POU6F2: variants seen among roughly 807,000 people sequenced by gnomAD.
The protein encoded by POU6F2 is POU class 6 homeobox 2, also known as POU domain, class 6, transcription factor 2.
A neutral mutation model predicts 71.3 loss-of-function variants in POU6F2; 31 were observed. The ratio of observed to expected loss-of-function variants is 0.43; its 90% confidence interval spans 0.33 to 0.59. The LOEUF (loss-of-function observed/expected upper bound fraction) is 0.59. POU6F2 is among the 20% of genes least tolerant of loss of function. The pLI is 0.04. For missense variants in POU6F2, 783 were observed against 856.8 expected (o/e 0.91, Z 1.07); for synonymous variants, 347 against 355.7 (o/e 0.98, Z 0.27).
At chr7:38,978,466 T>A (rs994438601) in intron 1 of POU6F2, among the ~76,000 whole-genome samples, 28 of 152,222 alleles carry the variant, frequency 1.8e-4, no homozygotes, top group African/African-American at 6.3e-4. Flanking sequence ...TTATTTTGAC[T>A]GTGCTCTCTC....
intron 7 of POU6F2, among the ~76,000 whole-genome samples, chr7:39,435,806 AGG>A (rs1788226771): frequency 6.6e-6 from 1 of 152,154 alleles, no homozygotes; most frequent in Non-Finnish European, 1.5e-5. Context: ...TTTTTATATA[AGG>A]TGTAAGGAAG....
At chr7:39,323,050 T>A (rs1311353773) in intron 4 of POU6F2, among the ~76,000 whole-genome samples, 1 of 151,832 alleles carries the variant, frequency 6.6e-6, no homozygotes, top group Non-Finnish European at 1.5e-5. Context: ...CAATTATAAT[T>A]CCTAATTATT....
intron 2 of POU6F2, among the ~76,000 whole-genome samples, chr7:39,142,222 G>A (rs1792517696): frequency 6.6e-6 from 1 of 152,208 alleles, no homozygotes; most frequent in Non-Finnish European, 1.5e-5. Flanking sequence ...GGTACATGCT[G>A]AAGCATGGAG....
At chr7:39,258,776 G>T (rs1160787350) in intron 4 of POU6F2, among the ~76,000 whole-genome samples, 1 of 152,042 alleles carries the variant, frequency 6.6e-6, no homozygotes, top group African/African-American at 2.4e-5. Context: ...AGTGGTCCAG[G>T]TGGGCAGAAA....
At chr7:39,286,546 C>A (rs1037718075) in intron 4 of POU6F2, among the ~76,000 whole-genome samples, 2 of 152,184 alleles carry the variant, frequency 1.3e-5, no homozygotes, top group Admixed American at 6.5e-5. Context: ...ATACAGTTTT[C>A]TGGCCTCTCC....
At chr7:39,459,343 G>A (rs1354231677) in intron 8 of POU6F2, among the ~76,000 whole-genome samples, 5 of 152,142 alleles carry the variant, frequency 3.3e-5, no homozygotes, top group Admixed American at 6.5e-5. Context: ...TCCCTCCCCA[G>A]TAATGAGAAA....
intron 1 of POU6F2, among the ~76,000 whole-genome samples, chr7:39,062,374 C>T (rs1323142817): frequency 6.6e-6 from 1 of 151,802 alleles, no homozygotes; most frequent in Non-Finnish European, 1.5e-5. Flanking sequence ...AAATATGATA[C>T]TCATGGGGTA....
intron 2 of POU6F2, among the ~76,000 whole-genome samples, chr7:39,087,466 A>G (rs927403695): frequency 6.6e-6 from 1 of 152,116 alleles, no homozygotes; most frequent in African/African-American, 2.4e-5. Flanking sequence ...AAACCTGCAC[A>G]TTAGAGTTTT....
At chr7:39,244,673 A>G (rs1783790945) in intron 4 of POU6F2, among the ~76,000 whole-genome samples, 1 of 152,176 alleles carries the variant, frequency 6.6e-6, no homozygotes, top group Admixed American at 6.6e-5. Flanking sequence ...TAATGTTAAT[A>G]TAGAAAAATC....
At chr7:39,252,399 G>GACAGACAGACACAC (rs1554335522) in intron 4 of POU6F2, among the ~76,000 whole-genome samples, 5 of 144,162 alleles carry the variant, frequency 3.5e-5, no homozygotes, top group African/African-American at 1.3e-4. Context: ...CAGACAGACA[G>GACAGACAGACACAC]ACACACACAC....
intron 7 of POU6F2, among the ~76,000 whole-genome samples, chr7:39,439,430 G>A (rs564462796): frequency 4.6e-5 from 7 of 152,300 alleles, no homozygotes; most frequent in African/African-American, 1.7e-4. Flanking sequence ...TTTCACACTA[G>A]TTGATGCAGT....
chr7:39,396,252 A>G (rs1182919016), intron 5 of POU6F2, among the ~76,000 whole-genome samples: 1 of 152,194 alleles, frequency 6.6e-6, no homozygotes, highest in East Asian at 1.9e-4. Context: ...GGTTAAGTTA[A>G]AAGCTAGTTT....
chr7:39,222,879 T>C (rs2128748723), intron 4 of POU6F2, among the ~76,000 whole-genome samples: 1 of 152,336 alleles, frequency 6.6e-6, no homozygotes, highest in South Asian at 2.1e-4. Flanking sequence ...TCTATTTGTA[T>C]CAGCTTTCAA....
chr7:39,112,266 A>G (rs568473845), intron 2 of POU6F2, among the ~76,000 whole-genome samples: 1 of 151,198 alleles, frequency 6.6e-6, no homozygotes, highest in East Asian at 1.9e-4. Flanking sequence ...CAGGTAACTT[A>G]AAAGTACTAC....
At chr7:39,345,874 T>C (rs1786024509) in intron 5 of POU6F2, among the ~76,000 whole-genome samples, 1 of 152,236 alleles carries the variant, frequency 6.6e-6, no homozygotes, top group Non-Finnish European at 1.5e-5. Context: ...AAGCAAATGT[T>C]GATTAGCCTA....
intron 2 of POU6F2, among the ~76,000 whole-genome samples, chr7:39,105,081 C>T (rs1791651362): frequency 6.6e-6 from 1 of 152,222 alleles, no homozygotes; most frequent in Non-Finnish European, 1.5e-5. Context: ...TGAAGTCTAT[C>T]TTAGGGCATC....
At chr7:39,425,835 C>T (rs924953857) in intron 6 of POU6F2, among the ~76,000 whole-genome samples, 1 of 152,052 alleles carries the variant, frequency 6.6e-6, no homozygotes, top group African/African-American at 2.4e-5. Flanking sequence ...TATTATTGGC[C>T]TTAATATTTG....
intron 1 of POU6F2, among the ~76,000 whole-genome samples, chr7:39,024,481 A>G (rs2128707418): frequency 6.6e-6 from 1 of 152,104 alleles, no homozygotes; most frequent in South Asian, 2.1e-4. Flanking sequence ...TCTTTTCCTA[A>G]TTGAATACCC....
At chr7:39,018,594 T>G (rs1399103744) in intron 1 of POU6F2, among the ~76,000 whole-genome samples, 1 of 152,202 alleles carries the variant, frequency 6.6e-6, no homozygotes, top group African/African-American at 2.4e-5. Context: ...CATTTATGTC[T>G]TGCTCCAGTG....
Sources: gnomAD v4.1 joint callset for allele counts (sites outside exome capture counted in the v4.1 genomes callset) on GRCh38, gnomAD v4.1.1 for gene constraint, MANE v1.5 for transcripts, NCBI Gene and HGNC (gene_info 2026-07-23, HGNC 2026-07-21) for gene names.